Variants in KIRREL1 observed in about 807,000 individuals in gnomAD.
KIRREL1 encodes kirre like nephrin family adhesion molecule 1.
A neutral mutation model predicts 83.3 loss-of-function variants in KIRREL1; 25 were observed. The observed-to-expected ratio is 0.30, with a 90% CI of 0.22 to 0.42. The LOEUF (loss-of-function observed/expected upper bound fraction) is 0.42. KIRREL1 is among the 10% of genes least tolerant of loss of function. The pLI is 1.00. For synonymous variants in KIRREL1, 388 were observed against 410.4 expected, an observed-to-expected ratio of 0.95 and a Z score of 0.66; for missense variants, 812 against 1,032.3, an observed-to-expected ratio of 0.79 and a Z score of 2.92.
intron 4 of KIRREL1, among the ~76,000 whole-genome samples, chr1:158,085,584 C>T (rs1223062522): frequency 6.6e-6 from 1 of 152,174 alleles, no homozygotes; most frequent in Non-Finnish European, 1.5e-5. Flanking sequence ...TCATCTACCC[C>T]CATTTTTCAT....
chr1:158,044,830 C>T (rs1288610528), intron 1 of KIRREL1, among the ~76,000 whole-genome samples: 1 of 152,036 alleles, frequency 6.6e-6, no homozygotes, highest in Non-Finnish European at 1.5e-5. Flanking sequence ...CCCTCATGGA[C>T]CTTATATGGC....
chr1:158,025,756 C>T (rs900010941), intron 1 of KIRREL1: 13 of 150,464 alleles, frequency 8.6e-5, no homozygotes, highest in Non-Finnish European at 7.4e-5. Context: ...GAGGCAGAAC[C>T]CGGGGAGGGA....
At chr1:158,066,999 T>C (rs566615393) in intron 1 of KIRREL1, among the ~76,000 whole-genome samples, 4 of 152,298 alleles carry the variant, frequency 2.6e-5, no homozygotes, top group African/African-American at 9.6e-5. Context: ...CCCCATGCCA[T>C]TGTCCTTCCC....
chr1:157,993,701 C>G lies in KIRREL1; in HGVS notation c.25C>G (p.Leu9Val), dbSNP rs943366413. ...CATGCTGAGCCTCCTCGTCTGGATC[C>G]TCACTCTCTCCGATACTTTCTCCCA... MLSLLVWI[L>V]TLSDTFSQGT... The change falls in exon 1 of 15, where the codon CTC becomes GTC. Residue 9 changes from leucine to valine, a missense_variant. Physicochemically the swap from Leu to Val is conservative, Grantham distance 32. This residue lies in a region of KIRREL1 where 472 missense variants were observed against 626.8 expected (regional missense o/e 0.75). Transcript: ENST00000359209. 4.6e-5 allele frequency: 69 copies of G among 1,495,706 alleles called. No individual in the cohort carries two copies. Among genetic ancestry groups the G allele is most frequent in the Admixed American group, 9.2e-5 (4 of 43,340 alleles). The allele number at this position is 1,495,706 out of a possible 1,614,324, so 92.7% of individuals were successfully genotyped here. A position where few individuals can be genotyped will look rare whatever the true frequency, so the allele number is the denominator to read the frequency against.
chr1:158,088,201 C>T (rs1662075996), intron 7 of KIRREL1, 47 bp downstream of exon 7: 1 of 1,613,636 alleles, frequency 6.2e-7, no homozygotes, highest in East Asian at 2.2e-5. Context: ...CAGGGGCCCC[C>T]AAAGGGCCTT....
chr1:158,012,825 C>A (rs1242702313), intron 1 of KIRREL1, among the ~76,000 whole-genome samples: 1 of 152,246 alleles, frequency 6.6e-6, no homozygotes, highest in Non-Finnish European at 1.5e-5. Context: ...AGTTACTAAT[C>A]TATGAACAAA....
intron 1 of KIRREL1, among the ~76,000 whole-genome samples, chr1:158,067,502 C>T (rs1330332061): frequency 6.6e-6 from 1 of 152,180 alleles, no homozygotes; most frequent in Non-Finnish European, 1.5e-5. Context: ...TTGACCGAGG[C>T]CCCAGGTCAG....
intron 3 of KIRREL1, among the ~76,000 whole-genome samples, chr1:158,081,531 GC>G (rs1661855986): frequency 6.6e-6 from 1 of 152,148 alleles, no homozygotes; most frequent in Non-Finnish European, 1.5e-5. Flanking sequence ...GGAGACTGAG[GC>G]TTTTTTGACC....
chr1:157,993,812 G>GC (rs1659111909), intron 1 of KIRREL1, 84 bp downstream of exon 1: 1 of 903,564 alleles, frequency 1.1e-6, no homozygotes. Context: ...GTGCTGGAGT[G>GC]CCCCGCGGCC....
chr1:158,007,930 G>T (rs1027000732), intron 1 of KIRREL1, among the ~76,000 whole-genome samples: 10 of 152,164 alleles, frequency 6.6e-5, no homozygotes, highest in African/African-American at 2.4e-4. Flanking sequence ...GAAGCATTTG[G>T]AGCTTGATAA....
In KIRREL1 at chr1:158,097,029, T is replaced by A. The variant is rs1432323460; in HGVS notation, c.*1909T>A. On this transcript the variant is annotated 3_prime_UTR_variant, in exon 15 of 15. Coordinates refer to ENST00000359209, the MANE Select transcript of KIRREL1 (RefSeq NM_018240.7). ...AGATAATACCCAGGAAGCAAGTAGC[T>A]CTAATTTTAACTTCACAGGAAGTCT... 2.2e-6 allele frequency: 1 copy of A among 456,782 alleles called. No homozygotes were observed. Among genetic ancestry groups the A allele is most frequent in the Non-Finnish European group, 4.4e-6 (1 of 227,032 alleles). The allele number at this position is 456,782 out of a possible 1,614,324, so 28.3% of individuals were successfully genotyped here. A position where few individuals can be genotyped will look rare whatever the true frequency, so the allele number is the denominator to read the frequency against.
At chr1:158,033,335 G>A (rs1014038783) in intron 1 of KIRREL1, among the ~76,000 whole-genome samples, 1 of 152,184 alleles carries the variant, frequency 6.6e-6, no homozygotes, top group African/African-American at 2.4e-5. Context: ...GCCTCCCAAA[G>A]CTCTGGGATT....
chr1:158,064,134 G>A (rs936429255), intron 1 of KIRREL1, among the ~76,000 whole-genome samples: 8 of 152,300 alleles, frequency 5.3e-5, no homozygotes, highest in East Asian at 3.9e-4. Flanking sequence ...GATGATGCAC[G>A]ACTAAGATTA....
intron 1 of KIRREL1, among the ~76,000 whole-genome samples, chr1:158,045,777 CCTT>C (rs1227805236): frequency 1.3e-5 from 2 of 152,220 alleles, no homozygotes; most frequent in Non-Finnish European, 2.9e-5. Flanking sequence ...AGTGCCCTAA[CCTT>C]CTAATCACGT....
At chr1:158,073,308 T>G (rs1214934600) in intron 1 of KIRREL1, among the ~76,000 whole-genome samples, 2 of 152,172 alleles carry the variant, frequency 1.3e-5, no homozygotes, top group Non-Finnish European at 2.9e-5. Flanking sequence ...AGAGGAAACT[T>G]CAAAACTGCC....
intron 1 of KIRREL1, among the ~76,000 whole-genome samples, chr1:158,028,736 A>C (rs149944543): frequency 2.6e-3 from 402 of 152,284 alleles, no homozygotes; most frequent in African/African-American, 9.2e-3. Flanking sequence ...CAGTCTCTTT[A>C]TTTAATTTTC....
intron 1 of KIRREL1, among the ~76,000 whole-genome samples, chr1:158,047,999 GCT>G (rs1660819382): frequency 6.6e-6 from 1 of 152,104 alleles, no homozygotes; most frequent in African/African-American, 2.4e-5. Flanking sequence ...TTTCTCCCCT[GCT>G]CTTTCTCTCT....
chr1:158,038,018 G>T (rs1174770878), intron 1 of KIRREL1, among the ~76,000 whole-genome samples: 4 of 152,196 alleles, frequency 2.6e-5, no homozygotes, highest in East Asian at 3.9e-4. Flanking sequence ...CCTGCCAGCG[G>T]CTCAATGGCT....
intron 1 of KIRREL1, among the ~76,000 whole-genome samples, chr1:158,058,129 C>G (rs1661116264): frequency 6.6e-6 from 1 of 152,164 alleles, no homozygotes. Context: ...GCCTGCGGGT[C>G]TGGTCCAGAG....
Sources: gnomAD v4.1 joint callset for allele counts (sites outside exome capture counted in the v4.1 genomes callset) on GRCh38, gnomAD v4.1.1 for gene constraint, gnomAD v4.1.1 regional missense constraint, MANE v1.5 for transcripts, NCBI Gene and HGNC (gene_info 2026-07-23, HGNC 2026-07-21) for gene names.